KAZN: variants seen among roughly 807,000 people sequenced by gnomAD.
The protein encoded by KAZN is kazrin, periplakin interacting protein.
In KAZN, 40 loss-of-function variants were observed where a neutral mutation model predicts 87.4. That is an observed-to-expected ratio of 0.46 (90% CI 0.36 to 0.60). KAZN has a LOEUF of 0.60. KAZN is among the 20% of genes least tolerant of loss of function. KAZN has a pLI of 0.00. For missense variants in KAZN, 898 were observed against 1,073.9 expected (o/e 0.84, Z 2.29); for synonymous variants, 466 against 458.3 (o/e 1.02, Z -0.22).
At chr1:14,929,254 C>T (rs1270165997) in intron 1 of KAZN, among the ~76,000 whole-genome samples, 1 of 152,170 alleles carries the variant, frequency 6.6e-6, no homozygotes, top group Non-Finnish European at 1.5e-5. Context: ...ATATATAATA[C>T]ATTTTCTTTT....
chr1:15,040,372 G>A (rs1557743512), intron 3 of KAZN, among the ~76,000 whole-genome samples: 1 of 152,226 alleles, frequency 6.6e-6, no homozygotes, highest in Admixed American at 6.5e-5. Flanking sequence ...GACTCCACTG[G>A]AGCAGGCAGC....
At chr1:15,106,067 TC>T (rs1191848632) in intron 13 of KAZN, among the ~76,000 whole-genome samples, 2 of 151,954 alleles carry the variant, frequency 1.3e-5, no homozygotes, top group African/African-American at 4.8e-5. Flanking sequence ...ATTGCTTGAG[TC>T]CAGGAGTTCA....
At chr1:14,076,392 CA>C (rs1055899055) in intron 1 of KAZN, among the ~76,000 whole-genome samples, 1 of 152,102 alleles carries the variant, frequency 6.6e-6, no homozygotes, top group African/African-American at 2.4e-5. Flanking sequence ...AGATTGCCAG[CA>C]AATGCCAGAA....
intron 1 of KAZN, among the ~76,000 whole-genome samples, chr1:14,073,650 G>A (rs1435619766): frequency 6.6e-6 from 1 of 152,062 alleles, no homozygotes; most frequent in African/African-American, 2.4e-5. Flanking sequence ...AACATGCGGT[G>A]TTTGATTTTC....
chr1:14,637,850 C>A (rs1680111926), intron 1 of KAZN, among the ~76,000 whole-genome samples: 1 of 152,120 alleles, frequency 6.6e-6, no homozygotes, highest in Admixed American at 6.5e-5. Flanking sequence ...AACTGGGAGG[C>A]TTCAAACAAC....
rs561538925 is a variant in KAZN, at chr1:14,102,819, A to G, written c.92-77616A>G. Among the ~76,000 whole-genome samples the G allele has an allele frequency of 7.2e-5, 11 of 152,134 alleles. No homozygotes were observed. In the South Asian group the frequency reaches 2.3e-3, roughly 32 times the overall value. On this transcript the variant is annotated intron_variant, in intron 1 of 16. Transcript: ENST00000636203. ...TCCTGGAGGCCAGGCGTCTGAGATC[A>G]AGGTGTCAGCAGGGCTGGTTTCTCC...
chr1:15,059,008 C>T (rs1404434931), intron 5 of KAZN, among the ~76,000 whole-genome samples: 2 of 151,788 alleles, frequency 1.3e-5, no homozygotes, highest in East Asian at 1.9e-4. Flanking sequence ...GGCAACAGAG[C>T]AAGACCCTGT....
At chr1:14,033,225 A>G (rs1355605762) in intron 1 of KAZN, among the ~76,000 whole-genome samples, 2 of 152,228 alleles carry the variant, frequency 1.3e-5, no homozygotes, top group Non-Finnish European at 2.9e-5. Context: ...GACAGCCAGC[A>G]TGACCTGAGA....
At chr1:14,889,904 A>T (rs1369117069) in intron 1 of KAZN, among the ~76,000 whole-genome samples, 1 of 152,254 alleles carries the variant, frequency 6.6e-6, no homozygotes, top group Non-Finnish European at 1.5e-5. Flanking sequence ...GTCTTACATG[A>T]CAAAATATGG....
chr1:14,710,801 G>A (rs1642444332), intron 1 of KAZN, among the ~76,000 whole-genome samples: 1 of 152,178 alleles, frequency 6.6e-6, no homozygotes, highest in African/African-American at 2.4e-5. Context: ...TGAAAGTTCT[G>A]GGACAGCGAG....
intron 2 of KAZN, among the ~76,000 whole-genome samples, chr1:14,308,760 C>T (rs896410541): frequency 5.9e-5 from 9 of 152,184 alleles, no homozygotes; most frequent in African/African-American, 2.2e-4. Flanking sequence ...TAGACTAGAA[C>T]CTCGTGCCTC....
intron 1 of KAZN, among the ~76,000 whole-genome samples, chr1:14,152,589 A>G (rs1177505772): frequency 1.3e-5 from 2 of 152,178 alleles, no homozygotes; most frequent in Admixed American, 1.3e-4. Flanking sequence ...CCACTCATCT[A>G]TTGATGGACA....
At chr1:14,502,416 AATCCAGCAT>A (rs1166671589) in intron 2 of KAZN, among the ~76,000 whole-genome samples, 2 of 152,208 alleles carry the variant, frequency 1.3e-5, no homozygotes, top group African/African-American at 4.8e-5. Flanking sequence ...ACAAGCTTAC[AATCCAGCAT>A]ATATGCATTT....
chr1:15,049,326 C>T (rs373141637), intron 4 of KAZN, among the ~76,000 whole-genome samples: 5 of 152,360 alleles, frequency 3.3e-5, no homozygotes, highest in East Asian at 1.9e-4. Context: ...TTCTCCAGCA[C>T]GGGAAATGCT....
At position 14,702,721 on chromosome 1, in the gene KAZN, C is replaced by T. The variant is rs78988227; in HGVS notation, c.226+103498C>T. ...GGTATTCTTTTTGAGAGTCACCTGG[C>T]GGCAAACCATTGTAATTGAAATGTA... On this transcript the variant is annotated intron_variant, in intron 1 of 14. Transcript: ENST00000376030. 3.8e-3 allele frequency among the ~76,000 whole-genome samples: 583 copies of T among 152,252 alleles called. 7 individuals carry two copies. Among genetic ancestry groups the T allele is most frequent in the East Asian group, 0.029 (148 of 5,172 alleles).
intron 1 of KAZN, among the ~76,000 whole-genome samples, chr1:13,944,277 C>T (rs1170477834): frequency 6.6e-6 from 1 of 152,182 alleles, no homozygotes; most frequent in African/African-American, 2.4e-5. Flanking sequence ...CACAAGAGAC[C>T]AACCACACAC....
chr1:14,498,143 A>G (rs1670048739), intron 2 of KAZN, among the ~76,000 whole-genome samples: 1 of 152,190 alleles, frequency 6.6e-6, no homozygotes, highest in African/African-American at 2.4e-5. Context: ...TTCTTCTTTC[A>G]CATTACCATA....
chr1:14,693,873 T>C (rs1249876317), intron 1 of KAZN, among the ~76,000 whole-genome samples: 3 of 152,158 alleles, frequency 2.0e-5, no homozygotes, highest in Non-Finnish European at 4.4e-5. Flanking sequence ...AACTGGAGAA[T>C]TGTAACAACA....
intron 2 of KAZN, among the ~76,000 whole-genome samples, chr1:14,373,198 A>AATATATAT (rs58491688): frequency 0.015 from 2,277 of 148,994 alleles, 38 homozygotes; most frequent in South Asian, 0.071. Flanking sequence ...TGAAAAACTG[A>AATATATAT]ATATATATAT....
Sources: allele counts gnomAD v4.1 joint callset (sites outside exome capture counted in the v4.1 genomes callset), GRCh38; gene constraint gnomAD v4.1.1; transcripts MANE v1.5; gene names NCBI Gene and HGNC (gene_info 2026-07-23, HGNC 2026-07-21).